Variants in C7orf78 observed in about 807,000 individuals in gnomAD.
C7orf78 encodes putative uncharacterized protein C7orf78.
the C7orf78 span, among the ~76,000 whole-genome samples, chr7:12,532,228 GAA>G: frequency 6.6e-6 from 1 of 152,062 alleles, no homozygotes; most frequent in African/African-American, 2.4e-5. Context: ...TCTTTTTTAG[GAA>G]ATGATTTGGG....
chr7:12,488,138 A>T, the C7orf78 span, among the ~76,000 whole-genome samples: 1 of 152,092 alleles, frequency 6.6e-6, no homozygotes, highest in African/African-American at 2.4e-5. Context: ...AATTATAAAT[A>T]TTCAGTGCCC....
the C7orf78 span, chr7:12,525,718 G>C: frequency 2.6e-6 from 1 of 386,834 alleles, no homozygotes; most frequent in Non-Finnish European, 4.6e-6. Context: ...TCAAAATTAC[G>C]TTTTACCAAG....
At chr7:12,535,538 C>A in the C7orf78 span, among the ~76,000 whole-genome samples, 1 of 152,248 alleles carries the variant, frequency 6.6e-6, no homozygotes, top group African/African-American at 2.4e-5. Context: ...TATCATTCCA[C>A]CTCTGGCCCC....
chr7:12,500,082 T>G, the C7orf78 span, among the ~76,000 whole-genome samples: 1 of 112,710 alleles, frequency 8.9e-6, no homozygotes, highest in East Asian at 2.5e-4. Flanking sequence ...TTCAAAGCAG[T>G]GTGTAGAGGG....
chr7:12,526,909 T>C, the C7orf78 span, among the ~76,000 whole-genome samples: 3 of 151,836 alleles, frequency 2.0e-5, no homozygotes, highest in Non-Finnish European at 4.4e-5. Flanking sequence ...GAAAATGCCG[T>C]CTAGCTGTGT....
the C7orf78 span, among the ~76,000 whole-genome samples, chr7:12,531,545 T>C: frequency 6.6e-6 from 1 of 152,166 alleles, no homozygotes; most frequent in African/African-American, 2.4e-5. Context: ...AGATGATATA[T>C]ACAAACTGCT....
At chr7:12,520,540 T>C in the C7orf78 span, among the ~76,000 whole-genome samples, 8 of 152,218 alleles carry the variant, frequency 5.3e-5, no homozygotes, top group Non-Finnish European at 7.3e-5. Flanking sequence ...GTTTCCAAAG[T>C]TCTTTCTGTT....
the C7orf78 span, among the ~76,000 whole-genome samples, chr7:12,534,228 C>G: frequency 3.3e-5 from 5 of 152,094 alleles, no homozygotes; most frequent in East Asian, 3.9e-4. Flanking sequence ...AACTCACATT[C>G]AGCCATGAAA....
the C7orf78 span, among the ~76,000 whole-genome samples, chr7:12,493,558 C>T: frequency 1.3e-5 from 2 of 152,256 alleles, no homozygotes; most frequent in Middle Eastern, 3.4e-3. Flanking sequence ...TCCAATGATA[C>T]TCATGCTCTT....
At chr7:12,490,956 G>A in the C7orf78 span, 1 of 151,546 alleles carries the variant, frequency 6.6e-6, no homozygotes, top group African/African-American at 2.4e-5. Flanking sequence ...AAAAGCTAGT[G>A]TAAGGCTCTA....
At chr7:12,487,564 A>T in the C7orf78 span, among the ~76,000 whole-genome samples, 1 of 152,026 alleles carries the variant, frequency 6.6e-6, no homozygotes, top group Non-Finnish European at 1.5e-5. Flanking sequence ...ATGTAAGTGA[A>T]ATTTTGGGTT....
At chr7:12,532,231 A>G in the C7orf78 span, among the ~76,000 whole-genome samples, 2 of 152,098 alleles carry the variant, frequency 1.3e-5, no homozygotes. Context: ...TTTTTAGGAA[A>G]TGATTTGGGG....
At chr7:12,484,506 C>T in the C7orf78 span, among the ~76,000 whole-genome samples, 1 of 152,214 alleles carries the variant, frequency 6.6e-6, no homozygotes, top group African/African-American at 2.4e-5. Context: ...TCTCTGTAGT[C>T]ATTATTTTAG....
the C7orf78 span, among the ~76,000 whole-genome samples, chr7:12,534,393 A>G: frequency 1.3e-5 from 2 of 152,234 alleles, no homozygotes. Flanking sequence ...AAAGAAAACA[A>G]TAACCTTTCT....
At chr7:12,503,304 A>C in the C7orf78 span, among the ~76,000 whole-genome samples, 1 of 152,064 alleles carries the variant, frequency 6.6e-6, no homozygotes, top group Non-Finnish European at 1.5e-5. Flanking sequence ...AGATAATTGG[A>C]AACTTGAATT....
At chr7:12,528,492 G>A in the C7orf78 span, among the ~76,000 whole-genome samples, 1 of 135,584 alleles carries the variant, frequency 7.4e-6, no homozygotes, top group African/African-American at 2.8e-5. Flanking sequence ...ATGCCATCTA[G>A]CTGTGTAATT....
At chr7:12,508,704 A>G in the C7orf78 span, among the ~76,000 whole-genome samples, 1 of 152,214 alleles carries the variant, frequency 6.6e-6, no homozygotes, top group Non-Finnish European at 1.5e-5. Flanking sequence ...ACAGAGGGCC[A>G]GAGAGCAAAG....
chr7:12,507,363 C>G, the C7orf78 span: 1 of 157,628 alleles, frequency 6.3e-6, no homozygotes, highest in East Asian at 1.7e-4. Context: ...TAATTAACCA[C>G]AACACAATGG....
At chr7:12,486,590 T>G in the C7orf78 span, among the ~76,000 whole-genome samples, 1 of 152,000 alleles carries the variant, frequency 6.6e-6, no homozygotes, top group African/African-American at 2.4e-5. Flanking sequence ...AAACAGTGAT[T>G]TTTTTCCATT....
Sources: allele counts gnomAD v4.1 joint callset (sites outside exome capture counted in the v4.1 genomes callset), GRCh38; gene constraint gnomAD v4.1.1; transcripts MANE v1.5; gene names NCBI Gene and HGNC (gene_info 2026-07-23, HGNC 2026-07-21).